Variants in POLA1 observed in about 807,000 individuals in gnomAD.
POLA1 encodes the protein DNA polymerase alpha 1, catalytic subunit.
POLA1 carries 15 observed loss-of-function variants against 124.0 expected under a neutral mutation model. The observed-to-expected ratio is 0.12, with a 90% CI of 0.08 to 0.19. The LOEUF is 0.19. Among genes scored for constraint, POLA1 ranks in the 10% least tolerant of loss-of-function variants. The pLI is 1.00. For synonymous variants in POLA1, 408 were observed against 389.4 expected (o/e 1.05, Z -0.56); for missense variants, 886 against 1,103.4 (o/e 0.80, Z 2.79).
chrX:24,971,672 A>G (rs1192779418), intron 36 of POLA1, among the ~76,000 whole-genome samples: 2 of 112,054 alleles, frequency 1.8e-5, no homozygotes, highest in African/African-American at 6.5e-5. Context: ...AAATACACAC[A>G]CCCATACAGA....
At chrX:24,977,642 C>G (rs1028894940) in intron 36 of POLA1, among the ~76,000 whole-genome samples, 4 of 112,051 alleles carry the variant, frequency 3.6e-5, no homozygotes, top group African/African-American at 9.7e-5. Context: ...TTCCTTCCTA[C>G]CATGTCCAAT....
chrX:24,981,528 C>T (rs1033648999), intron 36 of POLA1, among the ~76,000 whole-genome samples: 1 of 112,642 alleles, frequency 8.9e-6, no homozygotes, highest in African/African-American at 3.2e-5. Context: ...AGCTAGCTGA[C>T]AGTAAAATTA....
intron 4 of POLA1, among the ~76,000 whole-genome samples, chrX:24,711,666 C>T (rs979330171): frequency 4.5e-5 from 5 of 110,783 alleles, no homozygotes; most frequent in Non-Finnish European, 3.8e-5. Flanking sequence ...GGCGCGATCT[C>T]GGCTCATTGC....
intron 4 of POLA1, among the ~76,000 whole-genome samples, chrX:24,710,101 C>T (rs1168547094): frequency 1.0e-4 from 9 of 88,657 alleles, no homozygotes; most frequent in East Asian, 3.7e-4. Context: ...GCCTCCCGGG[C>T]GGCGCTCGCC....
intron 26 of POLA1, chrX:24,789,039 C>A (rs377097365): frequency 8.3e-7 from 1 of 1,207,466 alleles, no homozygotes; most frequent in African/African-American, 1.8e-5. Context: ...ACCTGGAGGC[C>A]GGCGGGGCTT....
At chrX:24,975,240 G>A (rs997190542) in intron 36 of POLA1, among the ~76,000 whole-genome samples, 4 of 112,306 alleles carry the variant, frequency 3.6e-5, no homozygotes, top group African/African-American at 1.3e-4. Flanking sequence ...TTGAACTCCT[G>A]ACCTCGTGAT....
chrX:24,711,439 G>A (rs1929424813), intron 4 of POLA1, among the ~76,000 whole-genome samples: 1 of 112,124 alleles, frequency 8.9e-6, no homozygotes, highest in Admixed American at 9.4e-5. Context: ...CCATGATAGG[G>A]ATTGCACAAT....
At chrX:24,700,551 C>T (rs903268642) in intron 2 of POLA1, among the ~76,000 whole-genome samples, 9 of 112,027 alleles carry the variant, frequency 8.0e-5, no homozygotes, top group Admixed American at 2.8e-4. Context: ...CTCTGTTGCC[C>T]AGGCCGGAGT....
In POLA1 at chrX:24,733,768, A is replaced by G. The variant is rs769344709; in HGVS notation, c.1785A>G (p.Pro595=). The G allele has an allele frequency of 6.2e-6, 7 of 1,136,004 alleles. No individual in the cohort carries two copies. Among genetic ancestry groups the G allele is most frequent in the Non-Finnish European group, 7.2e-6 (6 of 835,367 alleles). 93.6% of individuals were successfully genotyped at this position (1,136,004 alleles called of 1,213,427 possible). The change falls in exon 17 of 37, where the codon CCA becomes CCG. Residue 595 remains proline, a synonymous_variant. Coordinates refer to ENST00000379068, the MANE Select transcript of POLA1 (RefSeq NM_001330360.2). ...TCCTTTTTACAGTTGTGTCTAAACC[A>G]AAGGACTGTATTTTTCCATATGCTT... ...FQSHFCVVSK[P]KDCIFPYAFK...
At chrX:24,928,027 T>G (rs1030715328) in intron 35 of POLA1, among the ~76,000 whole-genome samples, 1 of 112,540 alleles carries the variant, frequency 8.9e-6, no homozygotes, top group Non-Finnish European at 1.9e-5. Context: ...CTCTGTTTCA[T>G]GTGTGTTTTT....
intron 36 of POLA1, among the ~76,000 whole-genome samples, chrX:24,958,572 C>T (rs2048134072): frequency 8.9e-6 from 1 of 112,131 alleles, no homozygotes; most frequent in Non-Finnish European, 1.9e-5. Flanking sequence ...TATTGGACAG[C>T]CATTACAATG....
intron 32 of POLA1, among the ~76,000 whole-genome samples, chrX:24,830,126 T>G (rs2147033684): frequency 8.9e-6 from 1 of 112,464 alleles, no homozygotes; most frequent in East Asian, 2.8e-4. Flanking sequence ...GGAAAATTAT[T>G]AAGCTCATGA....
At chrX:24,854,733 G>A (rs919464611) in intron 34 of POLA1, among the ~76,000 whole-genome samples, 9 of 110,072 alleles carry the variant, frequency 8.2e-5, no homozygotes, top group Admixed American at 2.9e-4. Flanking sequence ...GGAGGCTGAG[G>A]CAGGAAAATC....
intron 36 of POLA1, among the ~76,000 whole-genome samples, chrX:24,931,248 G>T (rs1053345133): frequency 3.6e-5 from 4 of 111,043 alleles, no homozygotes; most frequent in African/African-American, 1.3e-4. Flanking sequence ...AATAAAAAAG[G>T]CAGATTTATA....
intron 34 of POLA1, among the ~76,000 whole-genome samples, chrX:24,866,208 G>T (rs2046792921): frequency 8.9e-6 from 1 of 111,878 alleles, no homozygotes; most frequent in Non-Finnish European, 1.9e-5. Context: ...GAAAGAAATT[G>T]TGTGCGTGTG....
intron 35 of POLA1, among the ~76,000 whole-genome samples, chrX:24,913,609 G>C (rs2047482788): frequency 9.1e-6 from 1 of 110,461 alleles, no homozygotes; most frequent in African/African-American, 3.3e-5. Flanking sequence ...AGCTACTTGG[G>C]AAGCTAAGGC....
At chrX:24,712,547 T>C (rs891271970) in intron 4 of POLA1, among the ~76,000 whole-genome samples, 1 of 112,137 alleles carries the variant, frequency 8.9e-6, no homozygotes, top group Non-Finnish European at 1.9e-5. Context: ...GTGATACATA[T>C]TGCACAAATT....
At chrX:24,922,794 T>C (rs914498352) in intron 35 of POLA1, among the ~76,000 whole-genome samples, 3 of 111,850 alleles carry the variant, frequency 2.7e-5, no homozygotes, top group African/African-American at 9.8e-5. Flanking sequence ...GTTTTAAGGG[T>C]GTCTCCAGCT....
intron 34 of POLA1, among the ~76,000 whole-genome samples, chrX:24,861,256 C>G (rs1169484749): frequency 1.8e-5 from 2 of 112,380 alleles, no homozygotes; most frequent in Non-Finnish European, 3.8e-5. Flanking sequence ...CCTGAGCCCC[C>G]CAAGTAGCTG....
Sources: gnomAD v4.1 joint callset for allele counts (sites outside exome capture counted in the v4.1 genomes callset) on GRCh38, gnomAD v4.1.1 for gene constraint, MANE v1.5 for transcripts, NCBI Gene and HGNC (gene_info 2026-07-23, HGNC 2026-07-21) for gene names.